Variants in SEMA6D observed in about 807,000 individuals in gnomAD.
SEMA6D encodes semaphorin-6D.
SEMA6D carries 35 observed loss-of-function variants against 106.6 expected under a neutral mutation model. That is an observed-to-expected ratio of 0.33 (90% confidence interval 0.25 to 0.44). SEMA6D has a LOEUF of 0.44. SEMA6D is among the 20% of genes least tolerant of loss of function. The probability of loss-of-function intolerance (pLI) is 1.00; values close to 1 mark genes in which losing one functional copy is unlikely to be tolerated. For synonymous variants in SEMA6D, 499 were observed against 487.7 expected (o/e 1.02, Z -0.31); for missense variants, 1,185 against 1,345.9 (o/e 0.88, Z 1.87).
chr15:47,534,911 G>A (rs1414859882), intron 3 of SEMA6D, among the ~76,000 whole-genome samples: 1 of 151,974 alleles, frequency 6.6e-6, no homozygotes, highest in African/African-American at 2.4e-5. Context: ...ATAAACACTA[G>A]TCTATGCATA....
chr15:47,599,476 G>T (rs963664042), intron 3 of SEMA6D, among the ~76,000 whole-genome samples: 3 of 151,582 alleles, frequency 2.0e-5, no homozygotes, highest in Non-Finnish European at 4.4e-5. Context: ...AAAGTAGATG[G>T]AGTTTGGAGA....
At chr15:47,557,598 C>G (rs1478931177) in intron 3 of SEMA6D, among the ~76,000 whole-genome samples, 1 of 152,156 alleles carries the variant, frequency 6.6e-6, no homozygotes, top group East Asian at 1.9e-4. Flanking sequence ...GGACTTACTA[C>G]TCCCCTCATG....
chr15:47,733,145 G>A (rs2080233989), intron 1 of SEMA6D, among the ~76,000 whole-genome samples: 1 of 152,136 alleles, frequency 6.6e-6, no homozygotes, highest in Admixed American at 6.5e-5. Flanking sequence ...TCTGTTACAT[G>A]TGATAAATTC....
At chr15:47,525,464 A>G (rs2044721964) in intron 3 of SEMA6D, 1 of 152,206 alleles carries the variant, frequency 6.6e-6, no homozygotes, top group Admixed American at 6.5e-5. Flanking sequence ...TTCTTCTACC[A>G]CCTGGGTAAG....
chr15:47,590,491 G>A (rs1202976421), intron 3 of SEMA6D, among the ~76,000 whole-genome samples: 1 of 151,620 alleles, frequency 6.6e-6, no homozygotes, highest in African/African-American at 2.4e-5. Flanking sequence ...TGTCAAACCT[G>A]CACTTTGTGC....
intron 3 of SEMA6D, among the ~76,000 whole-genome samples, chr15:47,521,846 A>G (rs1054861021): frequency 2.0e-5 from 3 of 152,058 alleles, no homozygotes; most frequent in Non-Finnish European, 1.5e-5. Flanking sequence ...TTAGCCGGGC[A>G]TGGTGGTGGG....
chr15:47,527,187 A>G lies in SEMA6D; in HGVS notation c.-87+56642A>G, dbSNP rs892968712. 7.2e-5 allele frequency among the ~76,000 whole-genome samples: 11 copies of G among 152,270 alleles called. 1 individual carries two copies. The highest frequency in any genetic ancestry group is 7.2e-4 in the Admixed American group (11 of 15,292). On this transcript the variant is annotated intron_variant, in intron 3 of 19. Coordinates refer to the SEMA6D transcript ENST00000558014. ...ACTTTTCTAATAAAAAGACAAAAAC[A>G]GACAAAATGATCCACTCAAAAGAGA...
intron 3 of SEMA6D, among the ~76,000 whole-genome samples, chr15:47,524,948 G>A (rs190012854): frequency 6.2e-4 from 95 of 152,260 alleles, no homozygotes; most frequent in Non-Finnish European, 1.1e-3. Context: ...AAGTGCTCAC[G>A]GACACCTGAG....
At chr15:47,655,724 A>G (rs1384621596) in intron 4 of SEMA6D, among the ~76,000 whole-genome samples, 1 of 152,230 alleles carries the variant, frequency 6.6e-6, no homozygotes, top group Non-Finnish European at 1.5e-5. Flanking sequence ...TCTACACCTT[A>G]GCTTTTTCAT....
chr15:47,514,748 T>C (rs2044334610), intron 3 of SEMA6D, among the ~76,000 whole-genome samples: 1 of 152,162 alleles, frequency 6.6e-6, no homozygotes, highest in African/African-American at 2.4e-5. Context: ...CAGTCTATTC[T>C]CAACACTTGA....
chr15:47,327,303 A>G (rs561210231), intron 1 of SEMA6D, among the ~76,000 whole-genome samples: 46 of 152,232 alleles, frequency 3.0e-4, no homozygotes, highest in Non-Finnish European at 4.8e-4. Flanking sequence ...TCAGTGGCTT[A>G]GTGCCAAGCA....
At chr15:47,630,147 A>G (rs1400704796) in intron 4 of SEMA6D, among the ~76,000 whole-genome samples, 1 of 151,936 alleles carries the variant, frequency 6.6e-6, no homozygotes, top group East Asian at 1.9e-4. Flanking sequence ...TAGTGGTTGT[A>G]CTAACTTACA....
chr15:47,308,676 T>C (rs2036323716), intron 1 of SEMA6D, among the ~76,000 whole-genome samples: 1 of 152,188 alleles, frequency 6.6e-6, no homozygotes, highest in Non-Finnish European at 1.5e-5. Flanking sequence ...GAGCTCTTCA[T>C]GCATCTCTGT....
At chr15:47,189,756 A>G (rs1036673406) in intron 1 of SEMA6D, among the ~76,000 whole-genome samples, 1 of 152,238 alleles carries the variant, frequency 6.6e-6, no homozygotes, top group African/African-American at 2.4e-5. Context: ...GAAACGAACT[A>G]TCAAACAGAC....
At chr15:47,514,406 T>A (rs564831394) in intron 3 of SEMA6D, among the ~76,000 whole-genome samples, 2 of 152,252 alleles carry the variant, frequency 1.3e-5, no homozygotes, top group Non-Finnish European at 2.9e-5. Context: ...AGTTCCAAAT[T>A]TTGCCTCCTT....
intron 1 of SEMA6D, among the ~76,000 whole-genome samples, chr15:47,287,058 T>C (rs1177308247): frequency 6.6e-6 from 1 of 152,178 alleles, no homozygotes; most frequent in Non-Finnish European, 1.5e-5. Flanking sequence ...CCATGTGAGT[T>C]AGGTCTGATA....
chr15:47,715,866 T>C (rs2079101356), upstream of SEMA6D, among the ~76,000 whole-genome samples: 1 of 152,192 alleles, frequency 6.6e-6, no homozygotes. Context: ...TGACTCCTCA[T>C]CAAGCCAATG....
chr15:47,617,985 G>A (rs994919972), intron 4 of SEMA6D, among the ~76,000 whole-genome samples: 2 of 152,144 alleles, frequency 1.3e-5, no homozygotes, highest in African/African-American at 4.8e-5. Flanking sequence ...CCTTAATTGA[G>A]TTGATTCTCA....
intron 1 of SEMA6D, among the ~76,000 whole-genome samples, chr15:47,286,165 G>A (rs1429647528): frequency 3.3e-5 from 5 of 152,068 alleles, no homozygotes; most frequent in Non-Finnish European, 5.9e-5. Context: ...CCACTTGTCT[G>A]ACCTACAGAG....
Sources: gnomAD v4.1 joint callset for allele counts (sites outside exome capture counted in the v4.1 genomes callset) on GRCh38, gnomAD v4.1.1 for gene constraint, MANE v1.5 for transcripts, NCBI Gene and HGNC (gene_info 2026-07-23, HGNC 2026-07-21) for gene names.